Variants in COL25A1 observed in about 807,000 individuals in gnomAD.
COL25A1 encodes collagen alpha-1(XXV) chain.
COL25A1 carries 103 observed loss-of-function variants against 128.4 expected under a neutral mutation model. The ratio of observed to expected loss-of-function variants is 0.80; its 90% confidence interval spans 0.68 to 0.94. The LOEUF (loss-of-function observed/expected upper bound fraction) is 0.94. Among genes scored for constraint, COL25A1 ranks in the 40% least tolerant of loss-of-function variants. The pLI is 0.00. For missense variants in COL25A1, 745 were observed against 840.0 expected, an observed-to-expected ratio of 0.89 and a Z score of 1.40; for synonymous variants, 279 against 277.2, an observed-to-expected ratio of 1.01 and a Z score of -0.06.
At position 108,884,234 on chromosome 4, in the gene COL25A1, A is replaced by G; in HGVS notation, c.976-12T>C. 6.2e-7 allele frequency: 1 copy of G among 1,611,840 alleles called. No homozygotes were observed. The highest frequency in any genetic ancestry group is 8.5e-7 in the Non-Finnish European group (1 of 1,178,120). On this transcript the variant is annotated splice_polypyrimidine_tract_variant and intron_variant, in intron 18 of 37. Coordinates refer to ENST00000399132, the MANE Select transcript of COL25A1 (RefSeq NM_198721.4). ...AGCCCTGGTTCACCCTACACAGGAAAATCATATAGCATTATAGAATGATAT... is the reference window on the plus strand; with the variant it reads ...AGCCCTGGTTCACCCTACACAGGAAGATCATATAGCATTATAGAATGATAT...
intron 3 of COL25A1, among the ~76,000 whole-genome samples, chr4:109,299,863 G>A (rs1261481685): frequency 6.6e-6 from 1 of 152,072 alleles, no homozygotes; most frequent in Non-Finnish European, 1.5e-5. Context: ...GGTCCATGAA[G>A]GAAGATTTAA....
intron 3 of COL25A1, among the ~76,000 whole-genome samples, chr4:109,145,979 GC>G (rs565947731): frequency 1.3e-5 from 2 of 152,200 alleles, no homozygotes; most frequent in South Asian, 4.1e-4. Flanking sequence ...AGGTAATTGT[GC>G]AAATTGAAGC....
intron 3 of COL25A1, among the ~76,000 whole-genome samples, chr4:109,083,818 A>C (rs1764107362): frequency 6.6e-6 from 1 of 152,168 alleles, no homozygotes; most frequent in Non-Finnish European, 1.5e-5. Flanking sequence ...GGTTTCTGTA[A>C]TAATCTTCCA....
intron 5 of COL25A1, among the ~76,000 whole-genome samples, chr4:109,036,559 T>C (rs1276907862): frequency 6.6e-6 from 1 of 152,122 alleles, no homozygotes; most frequent in Non-Finnish European, 1.5e-5. Context: ...TCAGGATAAA[T>C]AATCCACATA....
intron 3 of COL25A1, among the ~76,000 whole-genome samples, chr4:109,285,537 C>G (rs1723795644): frequency 6.6e-6 from 1 of 152,130 alleles, no homozygotes; most frequent in African/African-American, 2.4e-5. Context: ...CCCTTGGAGA[C>G]AACATTATGA....
intron 19 of COL25A1, among the ~76,000 whole-genome samples, chr4:108,873,805 A>G (rs1277524261): frequency 3.3e-5 from 5 of 152,178 alleles, no homozygotes; most frequent in Non-Finnish European, 7.4e-5. Context: ...TTTAAAACAC[A>G]TCAGAACGGT....
At chr4:109,029,899 C>G (rs543383541) in intron 5 of COL25A1, among the ~76,000 whole-genome samples, 131 of 152,180 alleles carry the variant, frequency 8.6e-4, no homozygotes, top group African/African-American at 2.9e-3. Flanking sequence ...AGCTATTACA[C>G]AATTTACTCT....
chr4:109,199,071 ACTTT>A (rs2126177999), intron 3 of COL25A1, among the ~76,000 whole-genome samples: 1 of 152,254 alleles, frequency 6.6e-6, no homozygotes, highest in South Asian at 2.1e-4. Context: ...TCTTTTCTTC[ACTTT>A]CTATTTCCTC....
At chr4:108,923,915 A>T (rs2125904581) in intron 11 of COL25A1, among the ~76,000 whole-genome samples, 1 of 152,272 alleles carries the variant, frequency 6.6e-6, no homozygotes, top group East Asian at 1.9e-4. Flanking sequence ...CCTTATTTAT[A>T]TTTGCATATA....
At chr4:109,051,818 T>C (rs1761028199) in intron 3 of COL25A1, among the ~76,000 whole-genome samples, 1 of 152,162 alleles carries the variant, frequency 6.6e-6, no homozygotes, top group Non-Finnish European at 1.5e-5. Context: ...GACGAGAATT[T>C]TCCAAAACTG....
At chr4:109,116,004 T>G (rs1049420614) in intron 3 of COL25A1, among the ~76,000 whole-genome samples, 2 of 151,872 alleles carry the variant, frequency 1.3e-5, no homozygotes, top group Non-Finnish European at 2.9e-5. Context: ...CTCCAAAAAC[T>G]GGGGAGACAG....
chr4:109,227,274 A>G (rs1273162967), intron 3 of COL25A1, among the ~76,000 whole-genome samples: 1 of 152,044 alleles, frequency 6.6e-6, no homozygotes. Context: ...AAAATGCATA[A>G]AACAAATTAG....
chr4:108,954,029 T>C (rs1324177005), intron 8 of COL25A1, among the ~76,000 whole-genome samples: 3 of 152,184 alleles, frequency 2.0e-5, no homozygotes, highest in African/African-American at 7.2e-5. Flanking sequence ...AAAATATGAT[T>C]GTTATACACT....
chr4:108,811,122 CAACA>C lies in COL25A1; in HGVS notation c.*2801_*2804del, dbSNP rs1381072493. ...AAGTATATTATCTATCAACACATAT[CAACA>C]AACACAATTCTTTCATTCACTTAGA... On this transcript the variant is annotated 3_prime_UTR_variant, in exon 38 of 38. Transcript: ENST00000399132. The C allele has an allele frequency of 5.3e-5, 8 of 152,076 alleles. No individual in the cohort carries two copies. The East Asian group carries it at 1.5e-3, about 29-fold the overall frequency. The allele number at this position is 152,076 out of a possible 1,614,324, so 9.4% of individuals were successfully genotyped here. A position where few individuals can be genotyped will look rare whatever the true frequency, so the allele number is the denominator to read the frequency against.
At chr4:109,183,636 A>G (rs1774871631) in intron 3 of COL25A1, among the ~76,000 whole-genome samples, 1 of 152,146 alleles carries the variant, frequency 6.6e-6, no homozygotes, top group Non-Finnish European at 1.5e-5. Flanking sequence ...TTTCTGGGGC[A>G]TCTTGAAAAC....
intron 30 of COL25A1, among the ~76,000 whole-genome samples, chr4:108,841,942 C>T (rs564636473): frequency 1.3e-5 from 2 of 152,194 alleles, no homozygotes; most frequent in African/African-American, 4.8e-5. Context: ...ATTCTGTCTG[C>T]TAATACCTTT....
chr4:109,066,823 TG>T (rs1762492918), intron 3 of COL25A1, among the ~76,000 whole-genome samples: 1 of 152,012 alleles, frequency 6.6e-6, no homozygotes, highest in East Asian at 1.9e-4. Context: ...ACACCACACC[TG>T]GCTAATTTTT....
In COL25A1 at chr4:109,252,105, C is replaced by T. The variant is rs192822520; in HGVS notation, c.367+48478G>A. On this transcript the variant is annotated intron_variant, in intron 3 of 37. Coordinates refer to ENST00000399132, the MANE Select transcript of COL25A1 (RefSeq NM_198721.4). Reference sequence around the variant, plus strand: ...GTGTATGCTGCTAGGGCAGATAAGACATTCTATAAGTCCATGGATGGTAGT... The same window carrying T: ...GTGTATGCTGCTAGGGCAGATAAGATATTCTATAAGTCCATGGATGGTAGT... Among the ~76,000 whole-genome samples the T allele has an allele frequency of 7.2e-5, 11 of 152,342 alleles. No homozygotes were observed. The East Asian group carries it at 1.9e-3, about 27-fold the overall frequency.
intron 3 of COL25A1, among the ~76,000 whole-genome samples, chr4:109,214,638 T>G (rs556728979): frequency 1.3e-5 from 2 of 151,948 alleles, no homozygotes; most frequent in Non-Finnish European, 2.9e-5. Context: ...TAAAACAAGT[T>G]ACGTGTTGGA....
Sources: allele counts gnomAD v4.1 joint callset (sites outside exome capture counted in the v4.1 genomes callset), GRCh38; gene constraint gnomAD v4.1.1; transcripts MANE v1.5; gene names NCBI Gene and HGNC (gene_info 2026-07-23, HGNC 2026-07-21).